Variants in DOCK1 observed in about 807,000 individuals in gnomAD.
The protein encoded by DOCK1 is dedicator of cytokinesis protein 1.
DOCK1 carries 138 observed loss-of-function variants against 262.7 expected under a neutral mutation model. The ratio of observed to expected loss-of-function variants is 0.53; its 90% confidence interval spans 0.46 to 0.61. DOCK1 has a LOEUF of 0.61. Ranked by LOEUF, DOCK1 falls within the 20% of genes least tolerant of loss-of-function variation. The probability of loss-of-function intolerance (pLI) is 0.00; values close to 1 mark genes in which losing one functional copy is unlikely to be tolerated. For synonymous variants in DOCK1, 866 were observed against 867.4 expected (o/e 1.00, Z 0.03); for missense variants, 1,908 against 2,370.7 (o/e 0.80, Z 4.05).
At chr10:127,343,525 G>T in intron 30 of DOCK1, 121 bp from the exon 31 acceptor site, 1 of 822,470 alleles carries the variant, frequency 1.2e-6, no homozygotes, top group South Asian at 1.9e-5. Flanking sequence ...GAGTGAGTGT[G>T]GGTTTTTTTT....
At chr10:127,363,158 G>A (rs1462710056) in intron 33 of DOCK1, among the ~76,000 whole-genome samples, 2 of 151,756 alleles carry the variant, frequency 1.3e-5, no homozygotes, top group African/African-American at 4.8e-5. Context: ...CTTTGCAGGA[G>A]ACCTGGGAGA....
At chr10:127,231,896 G>A (rs565973782) in intron 27 of DOCK1, among the ~76,000 whole-genome samples, 28 of 152,260 alleles carry the variant, frequency 1.8e-4, no homozygotes, top group Middle Eastern at 6.8e-3. Context: ...CAAATGGAGA[G>A]ACAGTTCGTG....
rs182372255 is a variant in DOCK1, at chr10:127,211,540, C to T, written c.2848-36468C>T. ...TGTTTCACAGAGGAAATATAACTGT[C>T]TGTGTGCTTTTTATTATTGTCATGT... On this transcript the variant is annotated intron_variant, in intron 27 of 51. Transcript: ENST00000623213. 9.1e-4 allele frequency among the ~76,000 whole-genome samples: 138 copies of T among 152,294 alleles called. No homozygotes were observed. In the South Asian group the frequency reaches 0.012, roughly 14 times the overall value.
chr10:127,326,535 A>G (rs1398744157), intron 29 of DOCK1, among the ~76,000 whole-genome samples: 1 of 152,192 alleles, frequency 6.6e-6, no homozygotes. Context: ...TTCTAATTCT[A>G]GTTCTCTGCT....
chr10:127,079,776 C>G (rs923735216), intron 23 of DOCK1, among the ~76,000 whole-genome samples: 1 of 152,056 alleles, frequency 6.6e-6, no homozygotes, highest in Non-Finnish European at 1.5e-5. Flanking sequence ...TCTAAAAATA[C>G]AAAAATTAGC....
intron 29 of DOCK1, among the ~76,000 whole-genome samples, chr10:127,337,467 T>C (rs2063250762): frequency 6.6e-6 from 1 of 152,192 alleles, no homozygotes; most frequent in Admixed American, 6.5e-5. Context: ...GCTCTAAATG[T>C]CCTGTATTCC....
chr10:127,362,263 C>T (rs1007787360), intron 33 of DOCK1, 51 bp downstream of exon 33: 27 of 1,581,068 alleles, frequency 1.7e-5, no homozygotes, highest in African/African-American at 1.2e-4. Context: ...GGGAGGCAAA[C>T]CTGAAAACCT....
At chr10:127,326,171 G>A (rs1346361214) in intron 29 of DOCK1, among the ~76,000 whole-genome samples, 1 of 152,180 alleles carries the variant, frequency 6.6e-6, no homozygotes, top group Non-Finnish European at 1.5e-5. Context: ...GGCTGAGGTG[G>A]CTATGACAGT....
At chr10:127,249,394 C>T (rs1261262519) in intron 28 of DOCK1, among the ~76,000 whole-genome samples, 1 of 11,274 alleles carries the variant, frequency 8.9e-5, no homozygotes, top group Non-Finnish European at 2.2e-4. Flanking sequence ...CATATATACA[C>T]ACATATATAC....
intron 27 of DOCK1, among the ~76,000 whole-genome samples, chr10:127,237,351 A>C (rs553724106): frequency 8.5e-6 from 1 of 117,762 alleles, no homozygotes; most frequent in African/African-American, 3.3e-5. Context: ...CAAGAGCAAA[A>C]CTCCATCTCA....
intron 27 of DOCK1, among the ~76,000 whole-genome samples, chr10:127,139,066 T>C (rs2050974904): frequency 6.6e-6 from 1 of 152,174 alleles, no homozygotes; most frequent in African/African-American, 2.4e-5. Flanking sequence ...TTGGGAGGAT[T>C]CCGCTCTGTC....
At position 127,386,992 on chromosome 10, in the gene DOCK1, C is replaced by A. The variant is rs147715319; in HGVS notation, c.3927+2083C>A. 3.5e-3 allele frequency among the ~76,000 whole-genome samples: 528 copies of A among 152,254 alleles called. 5 individuals are homozygous for A. Among genetic ancestry groups the A allele is most frequent in the African/African-American group, 0.012 (491 of 41,526 alleles). Reference sequence around the variant, plus strand: ...AGCAAATGCAGCCATCCCTTCCCGGCAGTGGCTTCTTGGCTCCAGGGTGAG... The same window carrying A: ...AGCAAATGCAGCCATCCCTTCCCGGAAGTGGCTTCTTGGCTCCAGGGTGAG... On this transcript the variant is annotated intron_variant, in intron 38 of 51. Transcript: ENST00000623213.
intron 25 of DOCK1, among the ~76,000 whole-genome samples, chr10:127,123,798 ACCT>A (rs943257371): frequency 6.6e-6 from 1 of 151,558 alleles, no homozygotes; most frequent in African/African-American, 2.4e-5. Context: ...TCCCTCACTG[ACCT>A]CCTGTGGGAT....
intron 32 of DOCK1, among the ~76,000 whole-genome samples, chr10:127,360,806 C>G (rs1033829163): frequency 6.6e-6 from 1 of 152,156 alleles, no homozygotes; most frequent in Non-Finnish European, 1.5e-5. Context: ...TTCATAATCT[C>G]AGACCCAGGT....
intron 25 of DOCK1, among the ~76,000 whole-genome samples, chr10:127,121,864 A>G (rs1258772152): frequency 2.0e-5 from 3 of 152,136 alleles, no homozygotes; most frequent in Admixed American, 2.0e-4. Flanking sequence ...TTAACTGCAG[A>G]CTTTAGTTTG....
In DOCK1 at chr10:127,410,926, T is replaced by C; in HGVS notation, c.4428+2T>C. 6.2e-7 allele frequency: 1 copy of C among 1,612,352 alleles called. No homozygotes were observed. Among genetic ancestry groups the C allele is most frequent in the Non-Finnish European group, 8.5e-7 (1 of 1,179,390 alleles). On this transcript the variant is annotated splice_donor_variant, in intron 43 of 51. Transcript: ENST00000623213. LOFTEE classifies it high-confidence loss of function. The stretch of plus-strand genomic sequence containing the variant: ...AAAAACCCAGACAATGAATTTGCGG[T>C]AAAAAACAAACAAACCACCAAACCA...
At chr10:127,232,295 T>C (rs546134036) in intron 27 of DOCK1, among the ~76,000 whole-genome samples, 1 of 152,272 alleles carries the variant, frequency 6.6e-6, no homozygotes, top group South Asian at 2.1e-4. Context: ...TATCAAAATG[T>C]ATGCAGGTTT....
At chr10:126,932,980 G>A (rs994438077) in intron 1 of DOCK1, among the ~76,000 whole-genome samples, 1 of 151,984 alleles carries the variant, frequency 6.6e-6, no homozygotes, top group Admixed American at 6.6e-5. Flanking sequence ...AGGTTGGCCT[G>A]GATATATGTG....
At chr10:127,249,453 ACACACACACG>A (rs1471333409) in intron 28 of DOCK1, among the ~76,000 whole-genome samples, 2 of 151,630 alleles carry the variant, frequency 1.3e-5, no homozygotes, top group Non-Finnish European at 2.9e-5. Flanking sequence ...ACACACACAC[ACACACACACG>A]CAGTCGTGTG....
Sources: allele counts gnomAD v4.1 joint callset (sites outside exome capture counted in the v4.1 genomes callset), GRCh38; gene constraint gnomAD v4.1.1; transcripts MANE v1.5; gene names NCBI Gene and HGNC (gene_info 2026-07-23, HGNC 2026-07-21).